The following WNK1 variants were observed in gnomAD, a reference collection of about 807,000 sequenced individuals.
WNK1 encodes the protein serine/threonine-protein kinase WNK1.
In WNK1, 38 loss-of-function variants were observed where a neutral mutation model predicts 222.8. That is an observed-to-expected ratio of 0.17 (90% CI 0.13 to 0.22). The LOEUF (loss-of-function observed/expected upper bound fraction) is 0.22, where lower values mean the gene tolerates loss of function less well. WNK1 is among the 10% of genes least tolerant of loss of function. The pLI is 1.00. For synonymous variants in WNK1, 1,090 were observed against 1,092.9 expected (o/e 1.00, Z 0.05); for missense variants, 2,348 against 2,918.4 (o/e 0.80, Z 4.50).
intron 20 of WNK1, among the ~76,000 whole-genome samples, chr12:887,857 C>T (rs1379841875): frequency 2.6e-5 from 4 of 152,084 alleles, no homozygotes; most frequent in African/African-American, 9.7e-5. Context: ...TAAAAGCCAC[C>T]GAGCTCAGTG....
At position 888,211 on chromosome 12, in the gene WNK1, C is replaced by A. The variant is rs1953859253; in HGVS notation, c.5364+907C>A. On this transcript the variant is annotated intron_variant, in intron 20 of 27. Transcript: ENST00000315939. ...TGAGAAGCTGAGTTGGAATTTATCC[C>A]TATTTCTTTGGTCCCAATGTACAGG... Among the ~76,000 whole-genome samples, 6 of 152,074 alleles carry A rather than the reference C, an allele frequency of 3.9e-5. No homozygotes were observed. In the South Asian group the frequency reaches 1.2e-3, roughly 31 times the overall value.
At chr12:758,373 CTTTTTTTTTTTTTT>C (rs397957357) in intron 1 of WNK1, among the ~76,000 whole-genome samples, 27 of 64,730 alleles carry the variant, frequency 4.2e-4, no homozygotes, top group African/African-American at 1.6e-3. Context: ...TGCTATAGTT[CTTTTTTTTTTTTTT>C]TTTTTTTTTT....
At chr12:828,326 G>A (rs765913221) in intron 3 of WNK1, among the ~76,000 whole-genome samples, 25 of 151,878 alleles carry the variant, frequency 1.6e-4, no homozygotes, top group Admixed American at 3.9e-4. Context: ...AAAATAAAAA[G>A]AATAACCTCC....
rs187072164 is a variant in WNK1 at position 863,689 on chromosome 12, G to C, written c.2139+1419G>C. On this transcript the variant is annotated intron_variant, in intron 8 of 27. Transcript: ENST00000315939. Reference sequence around the variant, plus strand: ...AGCTATATTTATTGATGCTCTAAAAGCAGACGTTCTTGCTTTTTAATGACA... The same window carrying C: ...AGCTATATTTATTGATGCTCTAAAACCAGACGTTCTTGCTTTTTAATGACA... Among the ~76,000 whole-genome samples the C allele has an allele frequency of 7.8e-4, 118 of 152,192 alleles. 1 individual carries two copies. Among genetic ancestry groups the C allele is most frequent in the African/African-American group, 2.7e-3 (114 of 41,536 alleles).
At chr12:811,717 AC>A (rs1025245577) in intron 1 of WNK1, among the ~76,000 whole-genome samples, 18 of 152,184 alleles carry the variant, frequency 1.2e-4, no homozygotes, top group African/African-American at 3.6e-4. Flanking sequence ...TAAAAAAAAA[AC>A]AATATTCAGT....
intron 2 of WNK1, among the ~76,000 whole-genome samples, chr12:816,513 C>T (rs771007085): frequency 2.0e-5 from 3 of 151,968 alleles, no homozygotes; most frequent in Non-Finnish European, 4.4e-5. Flanking sequence ...CTCCTGAGCT[C>T]ATCCTGATTT....
chr12:867,762 G>A (rs1951797715), intron 8 of WNK1: 7 of 1,215,626 alleles, frequency 5.8e-6, no homozygotes, highest in East Asian at 2.5e-5. Context: ...TATAAATTTA[G>A]TGTAACCATT....
At chr12:823,958 G>A (rs1241419960) in intron 2 of WNK1, among the ~76,000 whole-genome samples, 1 of 147,570 alleles carries the variant, frequency 6.8e-6, no homozygotes, top group South Asian at 2.1e-4. Context: ...CCAGGGCGGA[G>A]TGCAGTGGCG....
At chr12:771,410 T>G (rs1243048419) in intron 1 of WNK1, among the ~76,000 whole-genome samples, 1 of 152,204 alleles carries the variant, frequency 6.6e-6, no homozygotes. Context: ...TGGTTTTTGG[T>G]GTCTGTCTCT....
intron 27 of WNK1, chr12:908,272 A>G: frequency 1.4e-6 from 1 of 732,962 alleles, no homozygotes; most frequent in Middle Eastern, 3.6e-4. Context: ...TCAACTACAC[A>G]CACACAGACA....
In WNK1 at chr12:758,063, G is replaced by GAAAA. The variant is rs1329165532; in HGVS notation, c.759+3741_759+3744dup. On this transcript the variant is annotated intron_variant, in intron 1 of 27. Transcript: ENST00000315939. The stretch of plus-strand genomic sequence containing the variant: ...AAAAAAAAAAAAAAAAAGAAAGAAA[G>GAAAA]AAAAAGAAAACATTGATGCACAGAT... 1.5e-5 allele frequency among the ~76,000 whole-genome samples: 2 copies of GAAAA among 136,870 alleles called. 1 individual carries two copies. The highest frequency in any genetic ancestry group is 3.2e-5 in the Non-Finnish European group (2 of 62,022). 89.8% of individuals were successfully genotyped at this position (136,870 alleles called of 152,430 possible). A position where few individuals can be genotyped will look rare whatever the true frequency, so the allele number is the denominator to read the frequency against.
intron 27 of WNK1, 21 bp from the exon 28 acceptor site, chr12:908,454 A>C: frequency 6.2e-7 from 1 of 1,613,938 alleles, no homozygotes; most frequent in South Asian, 1.1e-5. Context: ...CAGACTTGAC[A>C]CGTGGTGGTT....
At chr12:768,725 T>G (rs1014275842) in intron 1 of WNK1, among the ~76,000 whole-genome samples, 1 of 152,202 alleles carries the variant, frequency 6.6e-6, no homozygotes, top group African/African-American at 2.4e-5. Flanking sequence ...ATTCTCTTAA[T>G]GAGTAAAGTT....
intron 1 of WNK1, among the ~76,000 whole-genome samples, chr12:796,489 C>A (rs1591741783): frequency 1.3e-5 from 2 of 152,084 alleles, no homozygotes; most frequent in East Asian, 3.9e-4. Flanking sequence ...AATCAGAATT[C>A]TTAATGAAAT....
At position 879,602 on chromosome 12, in the gene WNK1, C is replaced by G. The variant is rs781469320; in HGVS notation, c.2403C>G (p.Ile801Met). 4.5e-6 allele frequency: 7 copies of G among 1,572,752 alleles called. No homozygotes were observed. The highest frequency in any genetic ancestry group is 1.4e-5 in the African/African-American group (1 of 71,972). The change falls in exon 11 of 28, where the codon ATC (isoleucine) becomes ATG (methionine). Residue 801 changes from isoleucine (I) to methionine (M), a missense_variant. Ile to Met is a conservative substitution (Grantham distance 10). Transcript: ENST00000315939. The stretch of plus-strand genomic sequence containing the variant: ...CAGTTTCCCAGCCAGTACCAACTAT[C>G]CAAGGCGAACCTCAGATCCCAGTTG... The part of the protein sequence containing the change: ...QLPVSQPVPT[I>M]QGEPQIPVAT...
rs150796075 is a variant in WNK1, at chr12:831,102, G to T, written c.1311+942G>T. Among the ~76,000 whole-genome samples the T allele has an allele frequency of 9.6e-4, 146 of 152,280 alleles. 2 individuals carry two copies. The highest frequency in any genetic ancestry group is 7.7e-3 in the South Asian group (37 of 4,826). Reference sequence around the variant, plus strand: ...GTAAGGAGAAGTTTACCTTAAAATGGTTGGGGTAGGTTAACAATGTAAAAA... The same window carrying T: ...GTAAGGAGAAGTTTACCTTAAAATGTTTGGGGTAGGTTAACAATGTAAAAA... On this transcript the variant is annotated intron_variant, in intron 4 of 27. Coordinates refer to ENST00000315939, the MANE Select transcript of WNK1 (RefSeq NM_018979.4).
chr12:756,661 G>GT (rs1224973200), intron 1 of WNK1, among the ~76,000 whole-genome samples: 1 of 152,142 alleles, frequency 6.6e-6, no homozygotes, highest in East Asian at 1.9e-4. Flanking sequence ...AGTATTTTTG[G>GT]TTTTTTGACC....
intron 1 of WNK1, among the ~76,000 whole-genome samples, chr12:779,297 T>C (rs1943436267): frequency 6.6e-6 from 1 of 152,164 alleles, no homozygotes; most frequent in African/African-American, 2.4e-5. Flanking sequence ...GAAAGTAATA[T>C]GGTTATGTTG....
rs368721841 is a variant in WNK1, at chr12:884,270, T to C, written c.3844+27T>C. The C allele has an allele frequency of 1.1e-5, 17 of 1,613,620 alleles. No homozygotes were observed. The highest frequency in any genetic ancestry group is 1.4e-5 in the Non-Finnish European group (17 of 1,179,808). On this transcript the variant is annotated intron_variant, in intron 18 of 27. Coordinates refer to ENST00000315939, the MANE Select transcript of WNK1 (RefSeq NM_018979.4). This position sits in a 1 kb window ranked among gnomAD's most constrained non-coding sequence, Gnocchi z 5.6. Reference sequence around the variant, plus strand: ...TAAGGGATTGATTCTGCCACATTGTTATGTAAATTCTACAGTGCCTCTGCT... The same window carrying C: ...TAAGGGATTGATTCTGCCACATTGTCATGTAAATTCTACAGTGCCTCTGCT...
Sources: allele counts gnomAD v4.1 joint callset (sites outside exome capture counted in the v4.1 genomes callset), GRCh38; gene constraint gnomAD v4.1.1; non-coding constraint Gnocchi (gnomAD v3.1); transcripts MANE v1.5; gene names NCBI Gene and HGNC (gene_info 2026-07-23, HGNC 2026-07-21).